The following NPTXR variants were observed in gnomAD, a reference collection of about 807,000 sequenced individuals.
The protein encoded by NPTXR is neuronal pentraxin receptor.
NPTXR carries 12 observed loss-of-function variants against 32.2 expected under a neutral mutation model. The observed-to-expected ratio is 0.37, with a 90% CI of 0.24 to 0.60. NPTXR has a LOEUF of 0.60. Among genes scored for constraint, NPTXR ranks in the 20% least tolerant of loss-of-function variants. The pLI, the probability that NPTXR is intolerant of heterozygous loss-of-function variation, is 0.66. For synonymous variants in NPTXR, 323 were observed against 315.8 expected, an observed-to-expected ratio of 1.02 and a Z score of -0.24; for missense variants, 612 against 682.9, an observed-to-expected ratio of 0.90 and a Z score of 1.16.
intron 1 of NPTXR, among the ~76,000 whole-genome samples, chr22:38,833,019 C>T (rs2093118729): frequency 6.6e-6 from 1 of 152,138 alleles, no homozygotes; most frequent in Non-Finnish European, 1.5e-5. Context: ...CACCCGGGGT[C>T]TATTCCCTTG....
Position 38,822,799 on chromosome 22 carries a change from G to C in NPTXR, c.1313C>G (p.Ala438Gly), listed in dbSNP as rs777309805. The C allele has an allele frequency of 9.9e-6, 16 of 1,614,118 alleles. No individual in the cohort carries two copies. The highest frequency in any genetic ancestry group is 1.4e-5 in the Non-Finnish European group (16 of 1,179,998). ...AAACTGGGCAATGTCACCGACAAAG[G>C]CCTGGGTGGCATCAAACCGGCCACC... The change falls in exon 5 of 5, where the codon GCC becomes GGC. Residue 438 changes from alanine (A) to glycine (G), a missense_variant. Physicochemically the swap from Ala to Gly is moderately conservative, Grantham distance 60. Transcript: ENST00000333039.
Position 38,843,860 on chromosome 22 carries a change from G to C in NPTXR, c.-2C>G, listed in dbSNP as rs2093135844. The C allele has an allele frequency of 1.0e-6, 1 of 996,032 alleles. No individual in the cohort carries two copies. Among genetic ancestry groups the C allele is most frequent in the Non-Finnish European group, 1.2e-6 (1 of 839,332 alleles). 61.7% of individuals were successfully genotyped at this position (996,032 alleles called of 1,614,324 possible). Reference sequence around the variant, plus strand: ...CAGCAGCACGGCCAGGAACTTCAGCGTGAGGCGGGCGGCGGGGGCGCCCGA... The same window carrying C: ...CAGCAGCACGGCCAGGAACTTCAGCCTGAGGCGGGCGGCGGGGGCGCCCGA... On this transcript the variant is annotated 5_prime_UTR_variant, in exon 1 of 5. Transcript: ENST00000333039. The surrounding 1 kb of genome is among the most constrained non-coding windows in gnomAD (Gnocchi z 5.3).
Position 38,843,230 on chromosome 22 carries a change from C to G in NPTXR, c.624+5G>C. 1 of 1,332,330 alleles carries G rather than the reference C, an allele frequency of 7.5e-7. No homozygotes were observed. The highest frequency in any genetic ancestry group is 9.5e-7 in the Non-Finnish European group (1 of 1,047,668). The allele number at this position is 1,332,330 out of a possible 1,614,324, so 82.5% of individuals were successfully genotyped here. On this transcript the variant is annotated splice_donor_5th_base_variant and intron_variant, in intron 1 of 4. Transcript: ENST00000333039. This position sits in a 1 kb window ranked among gnomAD's most constrained non-coding sequence, Gnocchi z 5.3. Reference sequence around the variant, plus strand: ...GCGGCTCCCCCGACGGCGCGCGGCGCTCACCTCCAGGCGGTCGATGCGGTC... The same window carrying G: ...GCGGCTCCCCCGACGGCGCGCGGCGGTCACCTCCAGGCGGTCGATGCGGTC...
At position 38,819,740 on chromosome 22, in the gene NPTXR, G is replaced by C. The variant is rs1297749590; in HGVS notation, c.*2869C>G. ...CAGGACAAACACGGGCTCCATCGTG[G>C]TTATCAGCCAGGAGCAGCTCAGGAT... On this transcript the variant is annotated 3_prime_UTR_variant, in exon 5 of 5. Coordinates refer to ENST00000333039, the MANE Select transcript of NPTXR (RefSeq NM_014293.4). 2.0e-5 allele frequency: 3 copies of C among 152,472 alleles called. No homozygotes were observed. The highest frequency in any genetic ancestry group is 6.5e-5 in the Admixed American group (1 of 15,296). The allele number at this position is 152,472 out of a possible 1,614,324, so 9.4% of individuals were successfully genotyped here.
chr22:38,842,908 T>C (rs2093133624), intron 1 of NPTXR, among the ~76,000 whole-genome samples: 1 of 152,246 alleles, frequency 6.6e-6, no homozygotes, highest in Admixed American at 6.5e-5. Context: ...CCAAGCATTT[T>C]CACACACCTA....
Position 38,836,433 on chromosome 22 carries a change from A to G in NPTXR, c.624+6802T>C, listed in dbSNP as rs115668226. 9.2e-3 allele frequency among the ~76,000 whole-genome samples: 1,404 copies of G among 152,358 alleles called. 18 individuals are homozygous for G. Among genetic ancestry groups the G allele is most frequent in the African/African-American group, 0.032 (1,340 of 41,570 alleles). On this transcript the variant is annotated intron_variant, in intron 1 of 4. Transcript: ENST00000333039. ...ACACCACACGGCAATGAAAACGGCAATCCTCCGTGGGTACACGCAATAAGC... is the reference window on the plus strand; with the variant it reads ...ACACCACACGGCAATGAAAACGGCAGTCCTCCGTGGGTACACGCAATAAGC...
At chr22:38,828,182 C>T in intron 2 of NPTXR, 105 bp downstream of exon 2, 1 of 866,612 alleles carries the variant, frequency 1.2e-6, no homozygotes, top group Non-Finnish European at 1.9e-6. Context: ...CCTCCCCACC[C>T]TCCAGTCTGT....
In NPTXR at chr22:38,821,613, A is replaced by C. The variant is rs1402231802; in HGVS notation, c.*996T>G. 2 of 152,476 alleles carry C rather than the reference A, an allele frequency of 1.3e-5. No homozygotes were observed. The highest frequency in any genetic ancestry group is 4.8e-5 in the African/African-American group (2 of 41,466). The allele number at this position is 152,476 out of a possible 1,614,324, so 9.4% of individuals were successfully genotyped here. A position where few individuals can be genotyped will look rare whatever the true frequency, so the allele number is the denominator to read the frequency against. On this transcript the variant is annotated 3_prime_UTR_variant, in exon 5 of 5. Transcript: ENST00000333039. The stretch of plus-strand genomic sequence containing the variant: ...GGACTTACAGAAGGCCACACAGCAC[A>C]TTAGCAGGGCTGGCTAGGAACCAAG...
intron 2 of NPTXR, 134 bp downstream of exon 2, chr22:38,828,153 A>G: frequency 3.0e-6 from 2 of 676,182 alleles, no homozygotes; most frequent in Non-Finnish European, 5.2e-6. Flanking sequence ...GATTCTCTCC[A>G]CTGTGTGTTC....
chr22:38,838,915 C>T (rs1258740044), intron 1 of NPTXR, among the ~76,000 whole-genome samples: 5 of 152,076 alleles, frequency 3.3e-5, no homozygotes, highest in Non-Finnish European at 5.9e-5. Flanking sequence ...AGGTGGGTGA[C>T]GTCTGACCCC....
At chr22:38,839,104 T>TG (rs2093128560) in intron 1 of NPTXR, among the ~76,000 whole-genome samples, 1 of 152,236 alleles carries the variant, frequency 6.6e-6, no homozygotes, top group Non-Finnish European at 1.5e-5. Context: ...GCATAGTAAG[T>TG]GCTCAGTAAG....
intron 3 of NPTXR, among the ~76,000 whole-genome samples, chr22:38,824,001 G>A (rs2093102407): frequency 6.6e-6 from 1 of 151,518 alleles, no homozygotes; most frequent in Admixed American, 6.6e-5. Context: ...TTTTTGAGAT[G>A]GAATTTCACT....
chr22:38,835,473 A>C (rs2093122587), intron 1 of NPTXR, among the ~76,000 whole-genome samples: 1 of 152,198 alleles, frequency 6.6e-6, no homozygotes, highest in Admixed American at 6.5e-5. Flanking sequence ...GAAGGAAAGA[A>C]GACAAATGGG....
At position 38,843,520 on chromosome 22, in the gene NPTXR, C is replaced by A. The variant is rs1307384647; in HGVS notation, c.339G>T (p.Ala113=). 3.9e-6 allele frequency: 5 copies of A among 1,269,840 alleles called. No individual in the cohort carries two copies. Among genetic ancestry groups the A allele is most frequent in the South Asian group, 5.2e-5 (2 of 38,294 alleles). The allele number at this position is 1,269,840 out of a possible 1,614,324, so 78.7% of individuals were successfully genotyped here. Residue 113 remains alanine, a synonymous_variant, in exon 1 of 5, where the codon GCG becomes GCT. Transcript: ENST00000333039. This position sits in a 1 kb window ranked among gnomAD's most constrained non-coding sequence, Gnocchi z 5.3. ...CTTCGCGCTCGCCCGGCGCAGCGCC[C>A]GCCGCGTCCCCCTGCTGGGCCCCCG...
intron 1 of NPTXR, among the ~76,000 whole-genome samples, chr22:38,837,750 G>T (rs1402986187): frequency 6.6e-6 from 1 of 152,144 alleles, no homozygotes; most frequent in Non-Finnish European, 1.5e-5. Context: ...GAAAACCAAG[G>T]CACCAAGAGG....
intron 1 of NPTXR, among the ~76,000 whole-genome samples, chr22:38,842,385 T>G (rs1000002129): frequency 2.0e-5 from 3 of 152,208 alleles, no homozygotes; most frequent in Admixed American, 2.0e-4. Context: ...TCTGTCTGCC[T>G]TGCACTTCTG....
chr22:38,828,825 G>T (rs1814932350), intron 1 of NPTXR, among the ~76,000 whole-genome samples: 1 of 152,238 alleles, frequency 6.6e-6, no homozygotes, highest in South Asian at 2.1e-4. Context: ...TGGTTTCAGG[G>T]TGCAGCTGGG....
intron 1 of NPTXR, among the ~76,000 whole-genome samples, chr22:38,842,222 G>A (rs572161471): frequency 1.3e-5 from 2 of 152,314 alleles, no homozygotes; most frequent in South Asian, 4.1e-4. Context: ...CTCCACCTGG[G>A]TGGAGGTAGC....
intron 1 of NPTXR, among the ~76,000 whole-genome samples, chr22:38,838,573 ATTTT>A (rs139377592): frequency 1.6e-4 from 13 of 83,206 alleles, no homozygotes; most frequent in African/African-American, 5.9e-4. Context: ...TCACCTGGCT[ATTTT>A]TTTTTTTTTT....
Sources: allele counts gnomAD v4.1 joint callset (sites outside exome capture counted in the v4.1 genomes callset), GRCh38; gene constraint gnomAD v4.1.1; non-coding constraint Gnocchi (gnomAD v3.1); transcripts MANE v1.5; gene names NCBI Gene and HGNC (gene_info 2026-07-23, HGNC 2026-07-21).